PHACTR1: variants seen among roughly 807,000 people sequenced by gnomAD.
The protein encoded by PHACTR1 is phosphatase and actin regulator 1, also known as RPEL repeat containing 1.
A neutral mutation model predicts 69.2 loss-of-function variants in PHACTR1; 16 were observed. The observed-to-expected ratio is 0.23, with a 90% CI of 0.16 to 0.35. The LOEUF (loss-of-function observed/expected upper bound fraction) is 0.35, where lower values mean the gene tolerates loss of function less well. Among genes scored for constraint, PHACTR1 ranks in the 10% least tolerant of loss-of-function variants. PHACTR1 has a pLI of 1.00. For missense variants in PHACTR1, 510 were observed against 734.7 expected (o/e 0.69, Z 3.54); for synonymous variants, 312 against 284.5 (o/e 1.10, Z -0.97).
chr6:13,156,951 A>G (rs946677634), intron 5 of PHACTR1, among the ~76,000 whole-genome samples: 1 of 152,184 alleles, frequency 6.6e-6, no homozygotes, highest in African/African-American at 2.4e-5. Flanking sequence ...AGATGCCTGT[A>G]ATCACCTAGT....
At chr6:13,137,798 G>A (rs1821787959) in intron 5 of PHACTR1, among the ~76,000 whole-genome samples, 2 of 152,250 alleles carry the variant, frequency 1.3e-5, no homozygotes, top group African/African-American at 4.8e-5. Flanking sequence ...AAATATGTCT[G>A]TTGGGCTCAC....
At chr6:13,036,031 T>G (rs983519917) in intron 4 of PHACTR1, among the ~76,000 whole-genome samples, 23 of 152,176 alleles carry the variant, frequency 1.5e-4, no homozygotes, top group African/African-American at 5.3e-4. Flanking sequence ...CATAGCAATT[T>G]AAGAGATAGG....
intron 10 of PHACTR1, among the ~76,000 whole-genome samples, chr6:13,260,807 T>C (rs1429192985): frequency 1.3e-5 from 2 of 152,226 alleles, no homozygotes; most frequent in South Asian, 4.2e-4. Context: ...GTCAAAGGTA[T>C]CATATAATAG....
At chr6:13,086,083 T>TAAAAAAAAAAAAAAAAAAAAAAAGAA (rs1812248009) in intron 5 of PHACTR1, among the ~76,000 whole-genome samples, 1 of 60,266 alleles carries the variant, frequency 1.7e-5, no homozygotes, top group Non-Finnish European at 2.9e-5. Context: ...TACACATTTC[T>TAAAAAAAAAAAAAAAAAAAAAAAGAA]AAAAAAAAAA....
At chr6:13,157,952 G>A (rs9473544) in intron 5 of PHACTR1, among the ~76,000 whole-genome samples, 2,830 of 151,910 alleles carry the variant, frequency 0.019, 74 homozygotes, top group African/African-American at 0.061. Flanking sequence ...GCACAATCTC[G>A]CTCACTGCAA....
In PHACTR1 at chr6:13,197,483, G is replaced by A. The variant is rs548826467; in HGVS notation, c.665-8332G>A. On this transcript the variant is annotated intron_variant, in intron 7 of 14. Transcript: ENST00000332995. Reference sequence around the variant, plus strand: ...TCAGGAAAGCTAAATGTCTTAGGAAGAGTAACAAAGTTTCTTGGTCTTGGA... The same window carrying A: ...TCAGGAAAGCTAAATGTCTTAGGAAAAGTAACAAAGTTTCTTGGTCTTGGA... 1.8e-4 allele frequency among the ~76,000 whole-genome samples: 27 copies of A among 152,262 alleles called. No homozygotes were observed. The South Asian group carries it at 5.6e-3, about 32-fold the overall frequency.
At chr6:13,239,377 C>T (rs1772485648) in intron 10 of PHACTR1, among the ~76,000 whole-genome samples, 1 of 152,204 alleles carries the variant, frequency 6.6e-6, no homozygotes, top group African/African-American at 2.4e-5. Flanking sequence ...TTTATGAACT[C>T]ACTGCACGCA....
chr6:13,105,406 G>A (rs1281630610), intron 5 of PHACTR1, among the ~76,000 whole-genome samples: 1 of 152,000 alleles, frequency 6.6e-6, no homozygotes, highest in Non-Finnish European at 1.5e-5. Flanking sequence ...GCGGGGTGGG[G>A]GTGTGGAGGG....
intron 4 of PHACTR1, among the ~76,000 whole-genome samples, chr6:12,913,029 A>C (rs763869766): frequency 3.9e-5 from 6 of 152,212 alleles, no homozygotes; most frequent in Non-Finnish European, 8.8e-5. Flanking sequence ...TCATGCCTGA[A>C]AAAGCTTCAT....
intron 6 of PHACTR1, among the ~76,000 whole-genome samples, 179 bp downstream of exon 6, chr6:13,160,463 A>G (rs1245074199): frequency 2.0e-5 from 3 of 152,258 alleles, no homozygotes; most frequent in African/African-American, 7.2e-5. Flanking sequence ...AGCTGTCAGC[A>G]TCATATGAGA....
At chr6:13,014,877 C>T (rs1799942636) in intron 4 of PHACTR1, among the ~76,000 whole-genome samples, 1 of 152,224 alleles carries the variant, frequency 6.6e-6, no homozygotes. Context: ...GAGGGACCGC[C>T]GGCGCGGACC....
chr6:12,918,334 C>G lies in PHACTR1; in HGVS notation c.251-135031C>G, dbSNP rs115578077. Among the ~76,000 whole-genome samples, 1,206 of 152,288 alleles carry G rather than the reference C, an allele frequency of 7.9e-3. 24 individuals carry two copies. Among genetic ancestry groups the G allele is most frequent in the African/African-American group, 0.027 (1,140 of 41,546 alleles). On this transcript the variant is annotated intron_variant, in intron 4 of 14. Coordinates refer to ENST00000332995, the MANE Select transcript of PHACTR1 (RefSeq NM_030948.6). ...TAAAATTTCCATTACTCTTTTTGAA[C>G]AGTCTAGAGTTAATTTTTATGCTGT...
At chr6:13,148,129 G>T (rs1388190979) in intron 5 of PHACTR1, among the ~76,000 whole-genome samples, 8 of 140,060 alleles carry the variant, frequency 5.7e-5, no homozygotes, top group East Asian at 4.1e-4. Context: ...CTTTTGCCTT[G>T]TTTTTTTTTT....
At chr6:13,162,861 A>C (rs1349260161) in intron 6 of PHACTR1, among the ~76,000 whole-genome samples, 1 of 152,068 alleles carries the variant, frequency 6.6e-6, no homozygotes, top group African/African-American at 2.4e-5. Context: ...ACCAACAGTT[A>C]GGAGTTCCCT....
intron 5 of PHACTR1, among the ~76,000 whole-genome samples, chr6:13,054,834 G>A (rs901460667): frequency 6.6e-6 from 1 of 152,086 alleles, no homozygotes; most frequent in African/African-American, 2.4e-5. Context: ...TTCTAATCAC[G>A]TGTCCAGTCA....
chr6:12,988,843 T>A (rs530031834), intron 4 of PHACTR1, among the ~76,000 whole-genome samples: 12 of 152,186 alleles, frequency 7.9e-5, no homozygotes, highest in Non-Finnish European at 7.3e-5. Flanking sequence ...AGCCTACTCA[T>A]CTCACAGGAG....
chr6:12,795,549 G>C (rs192313418), intron 4 of PHACTR1, among the ~76,000 whole-genome samples: 2 of 152,160 alleles, frequency 1.3e-5, no homozygotes, highest in Non-Finnish European at 1.5e-5. Context: ...CCATCTGAAG[G>C]TTGGATGTAT....
chr6:12,862,977 C>T (rs981133262), intron 4 of PHACTR1, among the ~76,000 whole-genome samples: 1 of 152,218 alleles, frequency 6.6e-6, no homozygotes, highest in African/African-American at 2.4e-5. Flanking sequence ...CCACCTGTGT[C>T]CTTGAGCAAG....
At chr6:12,979,015 G>A (rs748244542) in intron 4 of PHACTR1, among the ~76,000 whole-genome samples, 1 of 152,124 alleles carries the variant, frequency 6.6e-6, no homozygotes, top group African/African-American at 2.4e-5. Flanking sequence ...GCACTGTTTT[G>A]TCCTTAATAT....
Sources: allele counts gnomAD v4.1 joint callset (sites outside exome capture counted in the v4.1 genomes callset), GRCh38; gene constraint gnomAD v4.1.1; transcripts MANE v1.5; gene names NCBI Gene and HGNC (gene_info 2026-07-23, HGNC 2026-07-21).